Variants in GABRG2 observed in about 807,000 individuals in gnomAD.
The protein encoded by GABRG2 is gamma-aminobutyric acid type A receptor subunit gamma2.
Under a neutral mutation model 56.4 loss-of-function variants are expected in GABRG2, and 16 were observed. The observed-to-expected ratio is 0.28, with a 90% CI of 0.19 to 0.43. GABRG2 has a LOEUF of 0.43. Among genes scored for constraint, GABRG2 ranks in the 20% least tolerant of loss-of-function variants. GABRG2 has a pLI of 1.00. For missense variants in GABRG2, 327 were observed against 582.7 expected (o/e 0.56, Z 4.52); for synonymous variants, 208 against 205.5 (o/e 1.01, Z -0.10).
chr5:162,114,907 A>G (rs1329762847), intron 6 of GABRG2, among the ~76,000 whole-genome samples: 1 of 152,124 alleles, frequency 6.6e-6, no homozygotes, highest in Non-Finnish European at 1.5e-5. Flanking sequence ...ACATGTAAGC[A>G]GCTAAAAGCT....
At chr5:162,151,495 G>A (rs753848588) in intron 8 of GABRG2, 10 of 482,002 alleles carry the variant, frequency 2.1e-5, no homozygotes, top group Non-Finnish European at 3.7e-5. Context: ...TCAAGTAATT[G>A]TAGATTAATT....
chr5:162,133,030 G>C (rs1763866597), intron 6 of GABRG2, among the ~76,000 whole-genome samples: 1 of 151,856 alleles, frequency 6.6e-6, no homozygotes, highest in Admixed American at 6.6e-5. Context: ...GGCTCTAACA[G>C]TGGGTGACTG....
intron 1 of GABRG2, chr5:162,083,736 C>T (rs1019514956): frequency 6.6e-6 from 1 of 152,490 alleles, no homozygotes; most frequent in Non-Finnish European, 1.5e-5. Flanking sequence ...CAGCATTATA[C>T]TTTGTACTTC....
At chr5:162,079,491 A>G (rs1759474246) in intron 1 of GABRG2, among the ~76,000 whole-genome samples, 1 of 152,086 alleles carries the variant, frequency 6.6e-6, no homozygotes, top group African/African-American at 2.4e-5. Context: ...TTTGTTAATC[A>G]CGTTTTATTA....
At chr5:162,074,786 G>T (rs7735226) in intron 1 of GABRG2, among the ~76,000 whole-genome samples, 1 of 151,990 alleles carries the variant, frequency 6.6e-6, no homozygotes, top group African/African-American at 2.4e-5. Context: ...CCAATTCTGG[G>T]ATTTTTGCAT....
intron 6 of GABRG2, 88 bp downstream of exon 6, chr5:162,104,114 C>G (rs1355303570): frequency 2.6e-6 from 3 of 1,159,672 alleles, no homozygotes; most frequent in Admixed American, 1.7e-5. Flanking sequence ...CAATACCTCT[C>G]AATGAATGAT....
Position 162,084,557 on chromosome 5 carries a change from G to T in GABRG2, c.108-9271G>T, listed in dbSNP as rs1198717321. 3.3e-5 allele frequency among the ~76,000 whole-genome samples: 5 copies of T among 151,896 alleles called. No homozygotes were observed. The East Asian group carries it at 9.7e-4, about 29-fold the overall frequency. On this transcript the variant is annotated intron_variant, in intron 1 of 9. Transcript: ENST00000639213. The stretch of plus-strand genomic sequence containing the variant: ...GGTCTCATAGAGACCAATTAAATCA[G>T]TATAAGGTAGGATTTCAGACTGGCA...
At chr5:162,142,040 A>T in intron 6 of GABRG2, 124 bp from the exon 7 acceptor site, 1 of 1,257,090 alleles carries the variant, frequency 8.0e-7, no homozygotes, top group Non-Finnish European at 1.2e-6. Flanking sequence ...ATAGTTTTCA[A>T]CATACCACTT....
At chr5:162,142,695 A>T in intron 7 of GABRG2, 1 of 339,670 alleles carries the variant, frequency 2.9e-6, no homozygotes, top group Non-Finnish European at 5.8e-6. Flanking sequence ...TGGGAATTGA[A>T]CAATGAGAAC....
At chr5:162,068,435 G>A (rs1379939438) in intron 1 of GABRG2, among the ~76,000 whole-genome samples, 1 of 151,804 alleles carries the variant, frequency 6.6e-6, no homozygotes, top group African/African-American at 2.4e-5. Flanking sequence ...GATACACGCC[G>A]GCATTTGAGG....
intron 8 of GABRG2, chr5:162,149,905 C>T (rs1161938543): frequency 4.8e-5 from 12 of 248,642 alleles, no homozygotes; most frequent in Admixed American, 2.0e-4. Flanking sequence ...TGAGCCACTG[C>T]GCCTGGCCAT....
At chr5:162,130,147 T>G (rs1763633605) in intron 6 of GABRG2, among the ~76,000 whole-genome samples, 1 of 151,988 alleles carries the variant, frequency 6.6e-6, no homozygotes. Context: ...AACAGATATC[T>G]TAAAAATATC....
chr5:162,113,561 T>C (rs1762402525), intron 6 of GABRG2, among the ~76,000 whole-genome samples: 1 of 152,206 alleles, frequency 6.6e-6, no homozygotes, highest in Admixed American at 6.5e-5. Context: ...ATAAATAAGT[T>C]ACATTGCCAA....
chr5:162,106,456 C>G (rs190778840), intron 6 of GABRG2, among the ~76,000 whole-genome samples: 64 of 152,186 alleles, frequency 4.2e-4, no homozygotes, highest in Non-Finnish European at 7.9e-4. Flanking sequence ...ATTTCTGTGA[C>G]AGCTGATTTT....
intron 6 of GABRG2, among the ~76,000 whole-genome samples, chr5:162,140,494 C>A (rs1764481258): frequency 6.6e-6 from 1 of 152,160 alleles, no homozygotes; most frequent in Admixed American, 6.5e-5. Context: ...AGTAATAACT[C>A]ACCCCGCTAA....
At chr5:162,079,276 G>C (rs1261371152) in intron 1 of GABRG2, among the ~76,000 whole-genome samples, 1 of 152,046 alleles carries the variant, frequency 6.6e-6, no homozygotes, top group East Asian at 1.9e-4. Context: ...AAATGAGGAT[G>C]GAAAGATTTC....
chr5:162,111,133 A>G (rs1762222626), intron 6 of GABRG2, among the ~76,000 whole-genome samples: 1 of 152,130 alleles, frequency 6.6e-6, no homozygotes, highest in Non-Finnish European at 1.5e-5. Context: ...ATTTTTCTAG[A>G]ATGTTTTTCC....
At chr5:162,147,968 T>C (rs1765087525) in intron 7 of GABRG2, among the ~76,000 whole-genome samples, 1 of 152,184 alleles carries the variant, frequency 6.6e-6, no homozygotes, top group African/African-American at 2.4e-5. Context: ...AACTGAGGCC[T>C]AGAGTGTTAA....
At chr5:162,119,781 G>A (rs1023505131) in intron 6 of GABRG2, among the ~76,000 whole-genome samples, 1 of 151,946 alleles carries the variant, frequency 6.6e-6, no homozygotes, top group African/African-American at 2.4e-5. Context: ...ATTTTTTTCT[G>A]AATGAAGAAA....
Sources: allele counts gnomAD v4.1 joint callset (sites outside exome capture counted in the v4.1 genomes callset), GRCh38; gene constraint gnomAD v4.1.1; transcripts MANE v1.5; gene names NCBI Gene and HGNC (gene_info 2026-07-23, HGNC 2026-07-21).